Variants in DOC2A observed in about 807,000 individuals in gnomAD.
DOC2A encodes the protein double C2 domain alpha, also known as double C2-like domain-containing protein alpha.
In DOC2A, 28 loss-of-function variants were observed where a neutral mutation model predicts 40.6. The ratio of observed to expected loss-of-function variants is 0.69; its 90% CI spans 0.51 to 0.95. The LOEUF is 0.95. DOC2A is among the 40% of genes least tolerant of loss of function. DOC2A has a pLI of 0.00. For missense variants in DOC2A, 474 were observed against 552.5 expected, an observed-to-expected ratio of 0.86 and a Z score of 1.42; for synonymous variants, 241 against 236.9, an observed-to-expected ratio of 1.02 and a Z score of -0.16.
chr16:30,023,015 A>G, upstream of DOC2A: 1 of 242,712 alleles, frequency 4.1e-6, no homozygotes. Context: ...CCAAGGGGTA[A>G]CCGGAGGTGT....
chr16:30,011,996 T>C (rs1215809316), upstream of DOC2A, among the ~76,000 whole-genome samples: 1 of 151,898 alleles, frequency 6.6e-6, no homozygotes, highest in East Asian at 1.9e-4. Flanking sequence ...GCCGCCCCCC[T>C]GCCCGGCCCT....
chr16:30,022,123 G>A (rs1340336128), upstream of DOC2A, among the ~76,000 whole-genome samples: 1 of 151,590 alleles, frequency 6.6e-6, no homozygotes, highest in African/African-American at 2.4e-5. Context: ...GATGGTGCGC[G>A]CCTGTAATCC....
chr16:30,022,688 C>G (rs757382916), upstream of DOC2A, among the ~76,000 whole-genome samples: 1 of 151,582 alleles, frequency 6.6e-6, no homozygotes, highest in Non-Finnish European at 1.5e-5. Context: ...ATAGGCCGGG[C>G]GCTTTGGGAG....
At chr16:30,021,292 C>A (rs2070905313) in exon 1 of DOC2A, 1 of 152,350 alleles carries the variant, frequency 6.6e-6, no homozygotes. Flanking sequence ...CACGCACCTT[C>A]GTTGTGAAAC....
At position 30,007,016 on chromosome 16, in the gene DOC2A, C is replaced by T; in HGVS notation, c.714+15G>A. 6.2e-7 allele frequency: 1 copy of T among 1,614,054 alleles called. No homozygotes were observed. Among genetic ancestry groups the T allele is most frequent in the Non-Finnish European group, 8.5e-7 (1 of 1,179,978 alleles). Reference sequence around the variant, plus strand: ...TCCCACCCACATGCATCCCCATCCCCATGAGGTGCCTCACCTCCTTCAGAT... The same window carrying T: ...TCCCACCCACATGCATCCCCATCCCTATGAGGTGCCTCACCTCCTTCAGAT... On this transcript the variant is annotated intron_variant, in intron 7 of 10. Coordinates refer to ENST00000350119, the MANE Select transcript of DOC2A (RefSeq NM_003586.3).
At chr16:30,019,969 C>T (rs552666449) in intron 1 of DOC2A, among the ~76,000 whole-genome samples, 3 of 151,830 alleles carry the variant, frequency 2.0e-5, no homozygotes, top group Admixed American at 6.6e-5. Context: ...AGTGCAGTGG[C>T]GCAATTTAGG....
chr16:30,020,218 A>C (rs1020384426), intron 1 of DOC2A, among the ~76,000 whole-genome samples: 2 of 151,328 alleles, frequency 1.3e-5, no homozygotes, highest in Non-Finnish European at 2.9e-5. Context: ...CTTTTTTTGG[A>C]TTTTTAGTAG....
intron 1 of DOC2A, among the ~76,000 whole-genome samples, chr16:30,020,777 G>A (rs538802631): frequency 7.2e-5 from 11 of 152,012 alleles, no homozygotes; most frequent in Admixed American, 2.6e-4. Flanking sequence ...AACCAAGGAG[G>A]CAGAGGTTGC....
rs2070754898 is a variant in DOC2A, at chr16:30,010,710, G to T, written c.-14+193C>A. ...GTCCCCTCATTCAGCCCCAGGACCT[G>T]TCTGCCTGCCTGGTTCCCCCGCTCG... On this transcript the variant is annotated intron_variant, in intron 1 of 10. Transcript: ENST00000350119. This position sits in a 1 kb window ranked among gnomAD's most constrained non-coding sequence, Gnocchi z 4.2. 6.6e-6 allele frequency among the ~76,000 whole-genome samples: 1 copy of T among 152,082 alleles called. No individual in the cohort carries two copies. Among genetic ancestry groups the T allele is most frequent in the African/African-American group, 2.4e-5 (1 of 41,412 alleles).
At chr16:30,007,353 G>T in intron 5 of DOC2A, 54 bp from the exon 6 acceptor site, 1 of 1,612,094 alleles carries the variant, frequency 6.2e-7, no homozygotes, top group African/African-American at 1.3e-5. Context: ...CCCGTTCCGG[G>T]GTGTAGGAAG....
upstream of DOC2A, chr16:30,023,181 T>C: frequency 1.7e-6 from 1 of 583,306 alleles, no homozygotes; most frequent in Non-Finnish European, 3.0e-6. Flanking sequence ...TTCCAGGGGG[T>C]GAAGACTGGT....
Position 30,006,080 on chromosome 16 carries a change from G to C in DOC2A, c.*106C>G. The C allele has an allele frequency of 1.5e-6, 2 of 1,318,510 alleles. No homozygotes were observed. The highest frequency in any genetic ancestry group is 2.0e-6 in the Non-Finnish European group (2 of 976,912). 81.7% of individuals were successfully genotyped at this position (1,318,510 alleles called of 1,614,324 possible). A position where few individuals can be genotyped will look rare whatever the true frequency, so the allele number is the denominator to read the frequency against. On this transcript the variant is annotated 3_prime_UTR_variant, in exon 11 of 11. Coordinates refer to ENST00000350119, the MANE Select transcript of DOC2A (RefSeq NM_003586.3). The surrounding 1 kb of genome is among the most constrained non-coding windows in gnomAD (Gnocchi z 6.2). ...TCACGGAGACTCACAAAAATAGGTA[G>C]TGCAGGGTGGGGGCAGCCCACCCTG...
chr16:30,007,129 C>T (rs1596697730), intron 6 of DOC2A, 39 bp from the exon 7 acceptor site: 3 of 1,613,612 alleles, frequency 1.9e-6, no homozygotes, highest in Non-Finnish European at 2.5e-6. Flanking sequence ...GCCTGGCCTC[C>T]CCAGGGCCCC....
chr16:30,012,039 CCTTCGGT>C (rs1347102131), upstream of DOC2A, among the ~76,000 whole-genome samples: 4 of 152,152 alleles, frequency 2.6e-5, no homozygotes, highest in Admixed American at 2.6e-4. Flanking sequence ...CCACCCCTGG[CCTTCGGT>C]CTTCACTCAC....
intron 1 of DOC2A, among the ~76,000 whole-genome samples, chr16:30,019,959 A>G (rs1356780748): frequency 2.6e-5 from 4 of 151,442 alleles, no homozygotes; most frequent in African/African-American, 9.7e-5. Flanking sequence ...CCCAGGCTGG[A>G]GTGCAGTGGC....
At position 30,010,396 on chromosome 16, in the gene DOC2A, G is replaced by T. The variant is rs1017725355; in HGVS notation, c.-13-161C>A. On this transcript the variant is annotated intron_variant, in intron 1 of 10. Coordinates refer to ENST00000350119, the MANE Select transcript of DOC2A (RefSeq NM_003586.3). This position sits in a 1 kb window ranked among gnomAD's most constrained non-coding sequence, Gnocchi z 4.2. Reference sequence around the variant, plus strand: ...CAGCCGGTGGCAGGTGGGAGGCCTGGGCCCTGCAGACCCCAAGCTGACTCC... The same window carrying T: ...CAGCCGGTGGCAGGTGGGAGGCCTGTGCCCTGCAGACCCCAAGCTGACTCC... The T allele has an allele frequency of 3.1e-6, 3 of 958,066 alleles. No individual in the cohort carries two copies. The highest frequency in any genetic ancestry group is 3.2e-5 in the African/African-American group (2 of 62,032). The allele number at this position is 958,066 out of a possible 1,614,324, so 59.3% of individuals were successfully genotyped here.
At chr16:30,008,757 C>T (rs1279564611) in intron 5 of DOC2A, 17 of 474,786 alleles carry the variant, frequency 3.6e-5, no homozygotes, top group Admixed American at 2.3e-4. Context: ...CCGCCCACCT[C>T]GGCCTCCCAA....
Position 30,005,956 on chromosome 16 carries a change from T to G in DOC2A, c.*230A>C. On this transcript the variant is annotated 3_prime_UTR_variant, in exon 11 of 11. Coordinates refer to ENST00000350119, the MANE Select transcript of DOC2A (RefSeq NM_003586.3). Reference sequence around the variant, plus strand: ...GAGCACTGCCCGGGTGTGCAGATGATGGGGGGTTTGCATATTTGCAGGGAC... The same window carrying G: ...GAGCACTGCCCGGGTGTGCAGATGAGGGGGGGTTTGCATATTTGCAGGGAC... 3.4e-6 allele frequency: 2 copies of G among 589,904 alleles called. No individual in the cohort carries two copies. The highest frequency in any genetic ancestry group is 3.0e-6 in the Non-Finnish European group (1 of 336,532). The allele number at this position is 589,904 out of a possible 1,614,324, so 36.5% of individuals were successfully genotyped here. A position where few individuals can be genotyped will look rare whatever the true frequency, so the allele number is the denominator to read the frequency against.
upstream of DOC2A, among the ~76,000 whole-genome samples, chr16:30,016,020 A>T (rs534632073): frequency 1.6e-5 from 1 of 61,200 alleles, no homozygotes; most frequent in South Asian, 5.6e-4. Flanking sequence ...CCAGCACAAT[A>T]ATATATATAT....
Sources: gnomAD v4.1 joint callset for allele counts (sites outside exome capture counted in the v4.1 genomes callset) on GRCh38, gnomAD v4.1.1 for gene constraint, Gnocchi (gnomAD v3.1) non-coding constraint, MANE v1.5 for transcripts, NCBI Gene and HGNC (gene_info 2026-07-23, HGNC 2026-07-21) for gene names.